Variants in NCSTN observed in about 807,000 individuals in gnomAD.
NCSTN encodes the protein nicastrin, also known as anterior pharynx-defective 2.
NCSTN carries 22 observed loss-of-function variants against 87.0 expected under a neutral mutation model. That is an observed-to-expected ratio of 0.25 (90% confidence interval 0.18 to 0.36). The LOEUF (loss-of-function observed/expected upper bound fraction) is 0.36. NCSTN is among the 10% of genes least tolerant of loss of function. The pLI, the probability that NCSTN is intolerant of heterozygous loss-of-function variation, is 1.00. For missense variants in NCSTN, 693 were observed against 883.3 expected (o/e 0.78, Z 2.73); for synonymous variants, 306 against 327.1 (o/e 0.94, Z 0.69).
chr1:160,353,747 T>C, intron 10 of NCSTN: 1 of 980,452 alleles, frequency 1.0e-6, no homozygotes, highest in African/African-American at 1.7e-5. Flanking sequence ...TTTAAAGAAT[T>C]GGTTATCTGT....
In NCSTN at chr1:160,358,389, T is replaced by C; in HGVS notation, c.*118T>C. On this transcript the variant is annotated 3_prime_UTR_variant, in exon 17 of 17. Coordinates refer to ENST00000294785, the MANE Select transcript of NCSTN (RefSeq NM_015331.3). ...CCCTGGGCCTGTCTCAGATTGGGAT[T>C]AACATAAAAGAGTGGAACTATCCAA... 7.3e-7 allele frequency: 1 copy of C among 1,375,018 alleles called. No homozygotes were observed. Among genetic ancestry groups the C allele is most frequent in the Non-Finnish European group, 1.0e-6 (1 of 978,350 alleles). 85.2% of individuals were successfully genotyped at this position (1,375,018 alleles called of 1,614,324 possible).
At chr1:160,347,992 G>A (rs912899618) in intron 2 of NCSTN, among the ~76,000 whole-genome samples, 6 of 152,260 alleles carry the variant, frequency 3.9e-5, no homozygotes, top group Admixed American at 6.5e-5. Flanking sequence ...GCCGGGCATG[G>A]TGGCTCACTC....
In NCSTN at chr1:160,351,832, G is replaced by A. The variant is rs746388807; in HGVS notation, c.843+27G>A. 1.5e-5 allele frequency: 23 copies of A among 1,555,884 alleles called. No homozygotes were observed. The Admixed American group carries it at 1.7e-4, about 11-fold the overall frequency. On this transcript the variant is annotated intron_variant, in intron 7 of 16. Coordinates refer to ENST00000294785, the MANE Select transcript of NCSTN (RefSeq NM_015331.3). ...TGAGTGTTGGCTTCTGATCAGGATGGGCAGGGCTGGCACAAAAAGAGCTGG... is the reference window on the plus strand; with the variant it reads ...TGAGTGTTGGCTTCTGATCAGGATGAGCAGGGCTGGCACAAAAAGAGCTGG...
In NCSTN at chr1:160,354,022, A is replaced by G. The variant is rs1421121823; in HGVS notation, c.1180-96A>G. On this transcript the variant is annotated intron_variant, in intron 10 of 16. Coordinates refer to ENST00000294785, the MANE Select transcript of NCSTN (RefSeq NM_015331.3). Reference sequence around the variant, plus strand: ...CTAGAGATAGGGTAGCTCCCCAAGCAGGGAACTTGAAGTATAGAGCATTTC... The same window carrying G: ...CTAGAGATAGGGTAGCTCCCCAAGCGGGGAACTTGAAGTATAGAGCATTTC... 2.8e-5 allele frequency: 37 copies of G among 1,309,582 alleles called. No individual in the cohort carries two copies. The South Asian group carries it at 2.8e-4, about 10-fold the overall frequency. 81.1% of individuals were successfully genotyped at this position (1,309,582 alleles called of 1,614,324 possible). A position where few individuals can be genotyped will look rare whatever the true frequency, so the allele number is the denominator to read the frequency against.
rs982992334 is a variant in NCSTN, at chr1:160,358,523, C to T, written c.*252C>T. 2.8e-5 allele frequency: 15 copies of T among 540,594 alleles called. No homozygotes were observed. In the Admixed American group the frequency reaches 4.5e-4, roughly 16 times the overall value. 33.5% of individuals were successfully genotyped at this position (540,594 alleles called of 1,614,324 possible). A position where few individuals can be genotyped will look rare whatever the true frequency, so the allele number is the denominator to read the frequency against. ...CTACTCATGCCAGATTTTGGGATTA[C>T]AAATAGAAGCTTCTTGCTCCTGTTT... On this transcript the variant is annotated 3_prime_UTR_variant, in exon 17 of 17. Transcript: ENST00000294785.
At chr1:160,343,954 GTTTTTTT>G (rs35301624) in intron 1 of NCSTN, 2 of 152,454 alleles carry the variant, frequency 1.3e-5, no homozygotes, top group African/African-American at 3.5e-5. Flanking sequence ...CTTGCCTCAG[GTTTTTTT>G]TTTTTTTTTT....
In NCSTN at chr1:160,346,644, C is replaced by T. The variant is rs117907852; in HGVS notation, c.190+1818C>T. On this transcript the variant is annotated intron_variant, in intron 2 of 16. Transcript: ENST00000294785. Reference sequence around the variant, plus strand: ...TTTTTGAGATGCAGTCTCGCCCTCTCGCCCAGGCTGGAGTGCAATGGCACA... The same window carrying T: ...TTTTTGAGATGCAGTCTCGCCCTCTTGCCCAGGCTGGAGTGCAATGGCACA... Among the ~76,000 whole-genome samples, 839 of 151,638 alleles carry T rather than the reference C, an allele frequency of 5.5e-3. 7 individuals are homozygous for T. The East Asian group carries it at 0.063, about 11-fold the overall frequency.
In NCSTN at chr1:160,358,880, T is replaced by G. The variant is rs1371288063; in HGVS notation, c.*609T>G. On this transcript the variant is annotated 3_prime_UTR_variant, in exon 17 of 17. Coordinates refer to ENST00000294785, the MANE Select transcript of NCSTN (RefSeq NM_015331.3). ...TTAAGCTGTAATATCTATTTTTGTT[T>G]TTGTCTTTTTCCTTTATTCTTTTTG... 6.5e-6 allele frequency: 1 copy of G among 153,526 alleles called. No individual in the cohort carries two copies. Among genetic ancestry groups the G allele is most frequent in the African/African-American group, 2.4e-5 (1 of 41,472 alleles). 9.5% of individuals were successfully genotyped at this position (153,526 alleles called of 1,614,324 possible). A position where few individuals can be genotyped will look rare whatever the true frequency, so the allele number is the denominator to read the frequency against.
intron 4 of NCSTN, 91 bp downstream of exon 4, chr1:160,349,761 T>TTGTGTC: frequency 8.4e-6 from 13 of 1,539,398 alleles, no homozygotes; most frequent in Non-Finnish European, 1.1e-5. Context: ...GTATATGTGT[T>TTGTGTC]TGTGTCTGTG....
chr1:160,347,926 G>A (rs1277964309), intron 2 of NCSTN, among the ~76,000 whole-genome samples: 2 of 152,158 alleles, frequency 1.3e-5, no homozygotes, highest in African/African-American at 4.8e-5. Context: ...AGTTATATAT[G>A]TTTTAGTTGC....
At chr1:160,355,223 G>A (rs1270947424) in intron 11 of NCSTN, among the ~76,000 whole-genome samples, 1 of 152,100 alleles carries the variant, frequency 6.6e-6, no homozygotes, top group African/African-American at 2.4e-5. Flanking sequence ...ATATATCAGT[G>A]AGCAGACCTG....
At chr1:160,356,556 C>T (rs753000100) in intron 14 of NCSTN, 44 bp from the exon 15 acceptor site, 9 of 1,612,146 alleles carry the variant, frequency 5.6e-6, no homozygotes, top group Non-Finnish European at 7.6e-6. Flanking sequence ...ATTTCACCCA[C>T]CATCCACCCA....
In NCSTN at chr1:160,350,273, GC is replaced by G; in HGVS notation, c.582+24del. The G allele has an allele frequency of 1.9e-6, 3 of 1,612,818 alleles. No homozygotes were observed. The South Asian group carries it at 3.3e-5, about 18-fold the overall frequency. On this transcript the variant is annotated intron_variant, in intron 5 of 16. Coordinates refer to ENST00000294785, the MANE Select transcript of NCSTN (RefSeq NM_015331.3). ...CAGGTAATGACACTGCCAGCTCCTA[GC>G]AATTCCAGTTAGAAAGAAGATTATT...
chr1:160,349,310 C>T (rs1033663346), intron 3 of NCSTN, among the ~76,000 whole-genome samples, 188 bp downstream of exon 3: 1 of 152,184 alleles, frequency 6.6e-6, no homozygotes, highest in Non-Finnish European at 1.5e-5. Flanking sequence ...TAAATTTCAC[C>T]TACCTGTCCC....
chr1:160,345,554 T>C (rs566879982), intron 2 of NCSTN, among the ~76,000 whole-genome samples: 3 of 152,298 alleles, frequency 2.0e-5, no homozygotes, highest in African/African-American at 7.2e-5. Context: ...TCTCATATTC[T>C]ATGGTGTCCA....
chr1:160,349,741 TG>T, intron 4 of NCSTN, 71 bp downstream of exon 4: 1 of 1,573,586 alleles, frequency 6.4e-7, no homozygotes, highest in Admixed American at 1.7e-5. Flanking sequence ...CTTACGTCTT[TG>T]TGAGGGATGT....
rs199932407 is a variant in NCSTN, at chr1:160,357,263, G to A, written c.2007+10G>A. 13 of 1,608,136 alleles carry A rather than the reference G, an allele frequency of 8.1e-6. No homozygotes were observed. Among genetic ancestry groups the A allele is most frequent in the East Asian group, 2.2e-5 (1 of 44,724 alleles). On this transcript the variant is annotated intron_variant, in intron 16 of 16. Coordinates refer to ENST00000294785, the MANE Select transcript of NCSTN (RefSeq NM_015331.3). ...CAGCAAAGAGCTTGAGGTGAGATGGGGCAGGGGCATAGGTGGCAGGGATCT... is the reference window on the plus strand; with the variant it reads ...CAGCAAAGAGCTTGAGGTGAGATGGAGCAGGGGCATAGGTGGCAGGGATCT...
In NCSTN at chr1:160,355,565, A is replaced by G; in HGVS notation, c.1353-90A>G. The G allele has an allele frequency of 1.3e-5, 12 of 910,550 alleles. 1 individual carries two copies. The South Asian group carries it at 1.6e-4, about 12-fold the overall frequency. The allele number at this position is 910,550 out of a possible 1,614,324, so 56.4% of individuals were successfully genotyped here. On this transcript the variant is annotated intron_variant, in intron 11 of 16. Transcript: ENST00000294785. ...TTTCTTCTGATGCTGAAAATGAGAT[A>G]CTGAGTCCCTGCATAAGGAGCATTT...
At chr1:160,349,216 G>A in intron 3 of NCSTN, 94 bp downstream of exon 3, 2 of 1,534,644 alleles carry the variant, frequency 1.3e-6, no homozygotes, top group South Asian at 1.1e-5. Flanking sequence ...TCCCTTGGCT[G>A]CCCTGGTCTG....
Sources: allele counts gnomAD v4.1 joint callset (sites outside exome capture counted in the v4.1 genomes callset), GRCh38; gene constraint gnomAD v4.1.1; transcripts MANE v1.5; gene names NCBI Gene and HGNC (gene_info 2026-07-23, HGNC 2026-07-21).